Variants in PALLD observed in about 807,000 individuals in gnomAD.
PALLD encodes palladin.
PALLD carries 61 observed loss-of-function variants against 123.5 expected under a neutral mutation model. That is an observed-to-expected ratio of 0.49 (90% confidence interval 0.40 to 0.61). The LOEUF (loss-of-function observed/expected upper bound fraction) is 0.61. Among genes scored for constraint, PALLD ranks in the 20% least tolerant of loss-of-function variants. The probability of loss-of-function intolerance (pLI) is 0.00; values close to 1 mark genes in which losing one functional copy is unlikely to be tolerated. For missense variants in PALLD, 1,273 were observed against 1,377.0 expected (o/e 0.92, Z 1.20); for synonymous variants, 465 against 496.4 (o/e 0.94, Z 0.84).
chr4:168,689,432 CTTTTTTTTTTTTTTTTTT>C lies in PALLD; in HGVS notation c.1336-1155_1336-1138del, dbSNP rs70961551. ...TACACCTTACATTCGATCCAATATT[CTTTTTTTTTTTTTTTTTT>C]TTTTTTTTTTTTTTTGAGATGGAGT... On this transcript the variant is annotated intron_variant, in intron 6 of 21. Coordinates refer to ENST00000505667, the MANE Select transcript of PALLD (RefSeq NM_001166108.2). Among the ~76,000 whole-genome samples the C allele has an allele frequency of 5.6e-4, 28 of 49,860 alleles. 1 individual carries two copies. In the South Asian group the frequency reaches 0.019, roughly 33 times the overall value. The allele number at this position is 49,860 out of a possible 152,430, so 32.7% of individuals were successfully genotyped here. A position where few individuals can be genotyped will look rare whatever the true frequency, so the allele number is the denominator to read the frequency against.
At chr4:168,832,148 C>T (rs886193006) in intron 10 of PALLD, 39 of 985,396 alleles carry the variant, frequency 4.0e-5, no homozygotes, top group African/African-American at 3.0e-4. Context: ...CGGGCAGCAG[C>T]GGGAGGCGGC....
chr4:168,925,231 A>T lies in PALLD; in HGVS notation c.3359-2A>T. 1 of 1,606,660 alleles carries T rather than the reference A, an allele frequency of 6.2e-7. No individual in the cohort carries two copies. The highest frequency in any genetic ancestry group is 8.5e-7 in the Non-Finnish European group (1 of 1,173,242). ...TTGCTCTCTCTCTCTTTCTATTTGT[A>T]GTTTCTCGACATTAATAGTGAACCA... On this transcript the variant is annotated splice_acceptor_variant, in intron 20 of 21. Transcript: ENST00000505667. LOFTEE classifies it high-confidence loss of function.
chr4:168,800,437 A>G (rs1345168703), intron 10 of PALLD, among the ~76,000 whole-genome samples: 2 of 152,214 alleles, frequency 1.3e-5, no homozygotes, highest in African/African-American at 2.4e-5. Context: ...GGCAATAAAA[A>G]ATAAATAAGT....
intron 10 of PALLD, among the ~76,000 whole-genome samples, chr4:168,868,025 G>C (rs1315588545): frequency 6.6e-6 from 1 of 151,992 alleles, no homozygotes; most frequent in Non-Finnish European, 1.5e-5. Flanking sequence ...TTTTATATAA[G>C]GAATTGGCTG....
At chr4:168,503,907 G>A (rs1761710617) in intron 1 of PALLD, among the ~76,000 whole-genome samples, 1 of 151,998 alleles carries the variant, frequency 6.6e-6, no homozygotes, top group Admixed American at 6.6e-5. Flanking sequence ...GAGCATCATA[G>A]GAAAAAAATA....
chr4:168,745,321 C>G (rs577104664), intron 10 of PALLD, among the ~76,000 whole-genome samples: 1 of 151,614 alleles, frequency 6.6e-6, no homozygotes, highest in South Asian at 2.1e-4. Context: ...TACAACAGCC[C>G]TTTGAATCAC....
intron 10 of PALLD, among the ~76,000 whole-genome samples, chr4:168,718,952 G>C (rs1785659683): frequency 6.8e-6 from 1 of 146,016 alleles, no homozygotes; most frequent in African/African-American, 2.6e-5. Flanking sequence ...CTGTTGCCCA[G>C]GCTGGAGTGC....
At chr4:168,729,198 C>T (rs1786902688) in intron 10 of PALLD, among the ~76,000 whole-genome samples, 1 of 152,106 alleles carries the variant, frequency 6.6e-6, no homozygotes, top group Non-Finnish European at 1.5e-5. Context: ...TAGGGTTTTG[C>T]TAGGTACTAC....
chr4:168,656,249 C>T (rs546401748), intron 2 of PALLD, among the ~76,000 whole-genome samples: 1 of 111,350 alleles, frequency 9.0e-6, no homozygotes, highest in South Asian at 3.7e-4. Context: ...CCCCCCACCC[C>T]CCACCCCCAA....
intron 8 of PALLD, among the ~76,000 whole-genome samples, chr4:168,693,138 C>A (rs1478835822): frequency 6.7e-6 from 1 of 149,386 alleles, no homozygotes; most frequent in African/African-American, 2.5e-5. Flanking sequence ...CCTACATACA[C>A]TCCTTCTGTT....
At chr4:168,549,789 T>G (rs974275701) in intron 2 of PALLD, among the ~76,000 whole-genome samples, 1 of 148,588 alleles carries the variant, frequency 6.7e-6, no homozygotes, top group African/African-American at 2.5e-5. Context: ...AAAAAAAAAA[T>G]GAGAGTTAGA....
Position 168,511,719 on chromosome 4 carries a change from C to T in PALLD, c.215C>T (p.Pro72Leu), listed in dbSNP as rs756698993. The change falls in exon 2 of 22, where the codon CCT (proline) becomes CTT (leucine). Residue 72 changes from proline (P) to leucine (L), a missense_variant. Around this residue, in one of 2 missense-constraint regions of PALLD, gnomAD observed 944 missense variants for 954.5 expected, o/e 0.99. Transcript: ENST00000505667. ...ATCTCGCAGATTTTCAGTACTTCTC[C>T]TGCAAGCCTCTGTGAACATCCTTCC... is the stretch of plus-strand genomic sequence containing the variant. ...KEISQIFSTS[P>L]ASLCEHPSHK... 1.9e-5 allele frequency: 31 copies of T among 1,614,178 alleles called. No individual in the cohort carries two copies. Among genetic ancestry groups the T allele is most frequent in the Admixed American group, 1.8e-4 (11 of 60,032 alleles).
At chr4:168,878,585 T>G (rs1752166262) in intron 10 of PALLD, among the ~76,000 whole-genome samples, 1 of 151,744 alleles carries the variant, frequency 6.6e-6, no homozygotes, top group African/African-American at 2.4e-5. Flanking sequence ...GCGTAGCCAC[T>G]TAACATTATC....
intron 15 of PALLD, among the ~76,000 whole-genome samples, chr4:168,912,364 G>A (rs1759149738): frequency 6.6e-6 from 1 of 152,034 alleles, no homozygotes; most frequent in African/African-American, 2.4e-5. Flanking sequence ...TGTTACCTTT[G>A]GCAGTCATCA....
intron 12 of PALLD, among the ~76,000 whole-genome samples, chr4:168,895,758 T>C (rs1377925956): frequency 6.6e-6 from 1 of 152,214 alleles, no homozygotes; most frequent in African/African-American, 2.4e-5. Context: ...CAAACCTGTG[T>C]TGTTCAAAGA....
intron 18 of PALLD, among the ~76,000 whole-genome samples, chr4:168,923,166 A>G (rs1386401097): frequency 1.3e-5 from 2 of 152,228 alleles, no homozygotes; most frequent in African/African-American, 2.4e-5. Context: ...GTTCTTTGCA[A>G]AACTGGAGCC....
At chr4:168,523,730 CG>C (rs963661187) in intron 2 of PALLD, among the ~76,000 whole-genome samples, 1 of 152,118 alleles carries the variant, frequency 6.6e-6, no homozygotes, top group African/African-American at 2.4e-5. Context: ...ACCAGAAGCA[CG>C]GTAACATTCA....
rs375934955 is a variant in PALLD at position 168,682,190 on chromosome 4, T to C, written c.1154+792T>C. Among the ~76,000 whole-genome samples the C allele has an allele frequency of 3.9e-5, 6 of 152,196 alleles. No individual in the cohort carries two copies. In the East Asian group the frequency reaches 1.2e-3, roughly 29 times the overall value. On this transcript the variant is annotated intron_variant, in intron 4 of 21. Transcript: ENST00000505667. The stretch of plus-strand genomic sequence containing the variant: ...TATTAAAATGTTAATATCTTAATTA[T>C]TTGGCAAAAATAAAATCTACCAGAA...
intron 4 of PALLD, among the ~76,000 whole-genome samples, chr4:168,681,642 T>C (rs1781563503): frequency 6.8e-6 from 1 of 147,708 alleles, no homozygotes; most frequent in South Asian, 2.1e-4. Context: ...CCTCCCAGGC[T>C]CAAGTGGTCC....
Sources: gnomAD v4.1 joint callset for allele counts (sites outside exome capture counted in the v4.1 genomes callset) on GRCh38, gnomAD v4.1.1 for gene constraint, gnomAD v4.1.1 regional missense constraint, MANE v1.5 for transcripts, NCBI Gene and HGNC (gene_info 2026-07-23, HGNC 2026-07-21) for gene names.